FSIP2: variants seen among roughly 807,000 people sequenced by gnomAD.
FSIP2 encodes the protein fibrous sheath interacting protein 2, also known as fibrous sheath-interacting protein 2.
A neutral mutation model predicts 510.5 loss-of-function variants in FSIP2; 367 were observed. The ratio of observed to expected loss-of-function variants is 0.72; its 90% CI spans 0.66 to 0.78. The LOEUF (loss-of-function observed/expected upper bound fraction) is 0.78. FSIP2 is among the 30% of genes least tolerant of loss of function. FSIP2 has a pLI of 0.00. For missense variants in FSIP2, 7,594 were observed against 7,901.7 expected, an observed-to-expected ratio of 0.96 and a Z score of 1.48; for synonymous variants, 2,601 against 2,732.2, an observed-to-expected ratio of 0.95 and a Z score of 1.50.
At chr2:185,787,103 G>C (rs1361880288) in intron 15 of FSIP2, among the ~76,000 whole-genome samples, 1 of 151,736 alleles carries the variant, frequency 6.6e-6, no homozygotes, top group South Asian at 2.1e-4. Flanking sequence ...GACATATTTT[G>C]AATGTCTTAG....
rs150846892 is a variant in FSIP2 at position 185,798,039 on chromosome 2, A to G, written c.10390+513A>G. ...AATGCAAAAAAATAAAAATAAATAA[A>G]TGTTTTCAGGATTTGAATTTGAAGG... On this transcript the variant is annotated intron_variant, in intron 16 of 22. Transcript: ENST00000424728. Among the ~76,000 whole-genome samples the G allele has an allele frequency of 6.1e-3, 932 of 151,966 alleles. 11 individuals carry two copies. The highest frequency in any genetic ancestry group is 0.02 in the African/African-American group (850 of 41,522).
chr2:185,831,546 T>C (rs1238124112), intron 21 of FSIP2, among the ~76,000 whole-genome samples: 3 of 152,014 alleles, frequency 2.0e-5, no homozygotes, highest in African/African-American at 7.2e-5. Flanking sequence ...TTTTCATGAG[T>C]TAATATGGCT....
In FSIP2 at chr2:185,803,860, C is replaced by T; in HGVS notation, c.14554C>T (p.Gln4852Ter). The T allele has an allele frequency of 2.6e-6, 4 of 1,514,388 alleles. No individual in the cohort carries two copies. The highest frequency in any genetic ancestry group is 3.5e-6 in the Non-Finnish European group (4 of 1,135,412). 93.8% of individuals were successfully genotyped at this position (1,514,388 alleles called of 1,614,324 possible). A position where few individuals can be genotyped will look rare whatever the true frequency, so the allele number is the denominator to read the frequency against. Reference protein sequence around the residue: ...ICIIKYGNKKQSMISAKDIQS... With the variant: ...ICIIKYGNKK The stretch of plus-strand genomic sequence containing the variant: ...TATTATTAAATATGGGAATAAAAAA[C>T]AGAGTATGATTTCAGCAAAAGATAT... The change falls in exon 17 of 23, where the codon CAG (glutamine) becomes TAG (stop). Residue 4852 changes from glutamine (Q) to a stop codon, truncating the protein, a stop_gained. Coordinates refer to ENST00000424728, the MANE Select transcript of FSIP2 (RefSeq NM_173651.4). LOFTEE classifies it high-confidence loss of function.
At chr2:185,768,844 C>T (rs1001787968) in intron 13 of FSIP2, among the ~76,000 whole-genome samples, 1 of 152,152 alleles carries the variant, frequency 6.6e-6, no homozygotes, top group Non-Finnish European at 1.5e-5. Flanking sequence ...CATGTTTTCT[C>T]ATCATTTAGC....
At chr2:185,823,366 G>T (rs1307535519) in intron 19 of FSIP2, among the ~76,000 whole-genome samples, 1 of 151,594 alleles carries the variant, frequency 6.6e-6, no homozygotes, top group African/African-American at 2.4e-5. Flanking sequence ...ACTCAACAAT[G>T]ATAAAACAAC....
intron 20 of FSIP2, among the ~76,000 whole-genome samples, chr2:185,826,110 G>A (rs547072486): frequency 5.3e-5 from 8 of 151,836 alleles, no homozygotes; most frequent in African/African-American, 1.9e-4. Flanking sequence ...ATATAGCTTA[G>A]GTGTGTAGTA....
In FSIP2 at chr2:185,824,435, G is replaced by A; in HGVS notation, c.20428G>A (p.Glu6810Lys). ...NQEDLISSTG[E>K]AEDCHSDPSA... ...GATGTTCTTTTTCTTTTGTTTTAGT[G>A]AGGCTGAAGATTGTCACTCAGACCC... Residue 6810 changes from glutamate to lysine, a missense_variant and splice_region_variant, in exon 20 of 23, where the codon GAG (glutamate) becomes AAG (lysine). Transcript: ENST00000424728. The A allele has an allele frequency of 1.3e-6, 2 of 1,586,466 alleles. No individual in the cohort carries two copies. Among genetic ancestry groups the A allele is most frequent in the South Asian group, 1.2e-5 (1 of 85,752 alleles).
At chr2:185,772,304 T>C (rs963969776) in intron 13 of FSIP2, among the ~76,000 whole-genome samples, 2 of 152,196 alleles carry the variant, frequency 1.3e-5, no homozygotes, top group Non-Finnish European at 2.9e-5. Context: ...TGTATCTTTA[T>C]AGCAATGCCT....
At chr2:185,781,843 CTT>C (rs199815434) in intron 13 of FSIP2, among the ~76,000 whole-genome samples, 3 of 147,502 alleles carry the variant, frequency 2.0e-5, no homozygotes, top group Non-Finnish European at 3.0e-5. Context: ...TATGGGCACT[CTT>C]TTTTTTTTTT....
At chr2:185,816,734 T>C (rs1693832443) in intron 19 of FSIP2, among the ~76,000 whole-genome samples, 1 of 151,814 alleles carries the variant, frequency 6.6e-6, no homozygotes, top group South Asian at 2.1e-4. Flanking sequence ...CATGTGCACC[T>C]AGTCCTAGCT....
Position 185,806,491 on chromosome 2 carries a change from G to A in FSIP2, c.17185G>A (p.Val5729Ile), listed in dbSNP as rs200358885. The A allele has an allele frequency of 3.1e-4, 494 of 1,604,116 alleles. 3 individuals are homozygous for A. In the African/African-American group the frequency reaches 5.9e-3, roughly 19 times the overall value. Residue 5729 changes from valine (V) to isoleucine (I), a missense_variant, in exon 17 of 23, where the codon GTT becomes ATT. Physicochemically the swap from Val to Ile is conservative, Grantham distance 29. Transcript: ENST00000424728. ...GATTAGCAGGGATTCGGCACAGTCT[G>A]TTACAACAAAAAAAGTATCCTCCTC... ...QEISRDSAQS[V>I]TTKKVSSSTN...
In FSIP2 at chr2:185,802,122, G is replaced by T. The variant is rs1029248938; in HGVS notation, c.12816G>T (p.Arg4272Ser). The T allele has an allele frequency of 3.3e-6, 5 of 1,533,188 alleles. No homozygotes were observed. In the Admixed American group the frequency reaches 9.8e-5, roughly 30 times the overall value. The allele number at this position is 1,533,188 out of a possible 1,614,324, so 95.0% of individuals were successfully genotyped here. A position where few individuals can be genotyped will look rare whatever the true frequency, so the allele number is the denominator to read the frequency against. The change falls in exon 17 of 23, where the codon AGG (arginine) becomes AGT (serine). Residue 4272 changes from arginine to serine, a missense_variant. Arg to Ser is a moderately radical substitution (Grantham distance 110, BLOSUM62 -1). Transcript: ENST00000424728. ...FLSGEVLCHP[R>S]TPLDPVSTIV... ...GTGGAGAGGTTTTATGTCATCCAAG[G>T]ACTCCACTGGATCCAGTGTCTACTA...
intron 13 of FSIP2, chr2:185,764,832 T>A (rs1463217371): frequency 2.1e-5 from 6 of 287,836 alleles, no homozygotes; most frequent in African/African-American, 1.1e-4. Flanking sequence ...AGGGTCATCA[T>A]AGAAGCCTTT....
intron 20 of FSIP2, among the ~76,000 whole-genome samples, chr2:185,825,935 A>C (rs1694006529): frequency 6.6e-6 from 1 of 151,832 alleles, no homozygotes; most frequent in South Asian, 2.1e-4. Flanking sequence ...ATGATGGACC[A>C]GTATAAAATA....
Position 185,763,243 on chromosome 2 carries a change from A to AT in FSIP2, c.1306dup (p.Ser436PhefsTer20). ...TCAGCGCAGGTATCACCCACGAGAA[A>AT]TTTTTCCAGAGTTTCACAGGCATTT... On this transcript the variant is annotated frameshift_variant, in exon 12 of 23. Transcript: ENST00000424728. LOFTEE classifies it high-confidence loss of function. 1 of 1,522,880 alleles carries AT rather than the reference A, an allele frequency of 6.6e-7. No individual in the cohort carries two copies. Among genetic ancestry groups the AT allele is most frequent in the African/African-American group, 1.4e-5 (1 of 72,690 alleles). The allele number at this position is 1,522,880 out of a possible 1,614,324, so 94.3% of individuals were successfully genotyped here. A position where few individuals can be genotyped will look rare whatever the true frequency, so the allele number is the denominator to read the frequency against.
Position 185,782,806 on chromosome 2 carries a change from G to T in FSIP2, c.1469+44G>T. ...ATATATAATCATAACTAATTTTAAT[G>T]ATTACATAAGAGTGCTGCTCATAAG... is the stretch of plus-strand genomic sequence containing the variant. On this transcript the variant is annotated intron_variant, in intron 14 of 22. Coordinates refer to ENST00000424728, the MANE Select transcript of FSIP2 (RefSeq NM_173651.4). The T allele has an allele frequency of 3.0e-6, 3 of 992,388 alleles. No homozygotes were observed. The South Asian group carries it at 4.1e-5, about 14-fold the overall frequency. 61.5% of individuals were successfully genotyped at this position (992,388 alleles called of 1,614,324 possible).
intron 8 of FSIP2, among the ~76,000 whole-genome samples, chr2:185,755,620 A>G (rs894394058): frequency 4.6e-5 from 7 of 151,562 alleles, no homozygotes; most frequent in African/African-American, 1.7e-4. Flanking sequence ...GGACAGAGAA[A>G]GTAAAAGAAA....
At chr2:185,828,687 T>C (rs531823537) in intron 21 of FSIP2, among the ~76,000 whole-genome samples, 1 of 151,972 alleles carries the variant, frequency 6.6e-6, no homozygotes. Context: ...CCGGCAGCTT[T>C]CCAAAAAGCC....
chr2:185,805,902 TAGTG>T lies in FSIP2; in HGVS notation c.16599_16602del (p.Ser5533ArgfsTer12), dbSNP rs753968388. The T allele has an allele frequency of 6.2e-7, 1 of 1,605,272 alleles. No homozygotes were observed. Among genetic ancestry groups the T allele is most frequent in the African/African-American group, 1.3e-5 (1 of 74,298 alleles). ...AAGTGGGAATTTGTACTCAAAAACATAGTGAGAATGTATCAAAAGTTACTTCAAC... is the reference window on the plus strand; with the variant it reads ...AAGTGGGAATTTGTACTCAAAAACATAGAATGTATCAAAAGTTACTTCAAC... On this transcript the variant is annotated frameshift_variant, in exon 17 of 23. Coordinates refer to ENST00000424728, the MANE Select transcript of FSIP2 (RefSeq NM_173651.4). LOFTEE classifies it high-confidence loss of function.
Sources: gnomAD v4.1 joint callset for allele counts (sites outside exome capture counted in the v4.1 genomes callset) on GRCh38, gnomAD v4.1.1 for gene constraint, MANE v1.5 for transcripts, NCBI Gene and HGNC (gene_info 2026-07-23, HGNC 2026-07-21) for gene names.